PLEKHA8: variants seen among roughly 807,000 people sequenced by gnomAD.
PLEKHA8 encodes pleckstrin homology domain-containing family A member 8.
In PLEKHA8, 36 loss-of-function variants were observed where a neutral mutation model predicts 68.2. The ratio of observed to expected loss-of-function variants is 0.53; its 90% CI spans 0.40 to 0.70. The LOEUF (loss-of-function observed/expected upper bound fraction) is 0.70, where lower values mean the gene tolerates loss of function less well. Among genes scored for constraint, PLEKHA8 ranks in the 30% least tolerant of loss-of-function variants. The probability of loss-of-function intolerance (pLI) is 0.00; values close to 1 mark genes in which losing one functional copy is unlikely to be tolerated. For missense variants in PLEKHA8, 505 were observed against 615.4 expected (o/e 0.82, Z 1.90); for synonymous variants, 211 against 216.1 (o/e 0.98, Z 0.20).
In PLEKHA8 at chr7:30,082,455, C is replaced by T. The variant is rs555165740; in HGVS notation, c.*3668C>T. On this transcript the variant is annotated 3_prime_UTR_variant, in exon 14 of 14. Transcript: ENST00000449726. ...TTCTGTTCCCCCACCCCCCAGACTG[C>T]AAGAGCTTCTTAAGAAGGAGCCCAT... 1.5e-5 allele frequency: 15 copies of T among 985,396 alleles called. No homozygotes were observed. The South Asian group carries it at 6.1e-4, about 40-fold the overall frequency. 61.0% of individuals were successfully genotyped at this position (985,396 alleles called of 1,614,324 possible). A position where few individuals can be genotyped will look rare whatever the true frequency, so the allele number is the denominator to read the frequency against.
chr7:30,044,203 C>G (rs952432735), intron 1 of PLEKHA8, among the ~76,000 whole-genome samples: 3 of 152,038 alleles, frequency 2.0e-5, no homozygotes, highest in African/African-American at 4.8e-5. Context: ...GATGGAGTTT[C>G]ACCATGTTGG....
intron 12 of PLEKHA8, among the ~76,000 whole-genome samples, chr7:30,069,482 G>T (rs1299461849): frequency 6.6e-6 from 1 of 152,160 alleles, no homozygotes; most frequent in African/African-American, 2.4e-5. Flanking sequence ...GGACAGAATG[G>T]TTGTTCACCA....
At chr7:30,126,100 T>C (rs1304746339) in intron 13 of PLEKHA8, among the ~76,000 whole-genome samples, 1 of 151,870 alleles carries the variant, frequency 6.6e-6, no homozygotes. Flanking sequence ...TTTTTCACTC[T>C]GAGGCTTGTG....
At chr7:30,069,604 T>C (rs918768119) in intron 12 of PLEKHA8, 1 of 152,256 alleles carries the variant, frequency 6.6e-6, no homozygotes, top group Non-Finnish European at 1.5e-5. Context: ...AGAGCTGTGC[T>C]GTTTCCATAA....
intron 13 of PLEKHA8, among the ~76,000 whole-genome samples, chr7:30,101,920 T>C (rs1795867522): frequency 6.6e-6 from 1 of 151,876 alleles, no homozygotes; most frequent in African/African-American, 2.4e-5. Context: ...CAAAAGAAAA[T>C]AAATAAATAA....
intron 13 of PLEKHA8, among the ~76,000 whole-genome samples, chr7:30,096,799 T>C (rs1433603113): frequency 6.6e-6 from 1 of 152,240 alleles, no homozygotes; most frequent in African/African-American, 2.4e-5. Flanking sequence ...TCTGTGTCTT[T>C]TAATTGGAGC....
At chr7:30,098,490 G>A (rs575462516) in intron 13 of PLEKHA8, among the ~76,000 whole-genome samples, 42 of 152,342 alleles carry the variant, frequency 2.8e-4, no homozygotes, top group South Asian at 4.1e-4. Flanking sequence ...CGAGCTTCCC[G>A]GCTGCTTTGT....
chr7:30,103,248 A>G (rs1795920273), intron 13 of PLEKHA8, among the ~76,000 whole-genome samples: 1 of 152,366 alleles, frequency 6.6e-6, no homozygotes, highest in Non-Finnish European at 1.5e-5. Flanking sequence ...TATGTTATGT[A>G]TGTTTTGCCA....
intron 1 of PLEKHA8, among the ~76,000 whole-genome samples, chr7:30,031,434 C>G (rs190738889): frequency 1.3e-5 from 2 of 152,278 alleles, no homozygotes; most frequent in Admixed American, 1.3e-4. Context: ...AAGAACTTTT[C>G]AGGCACAGGG....
chr7:30,113,256 C>T (rs1796329326), intron 13 of PLEKHA8, among the ~76,000 whole-genome samples: 2 of 152,156 alleles, frequency 1.3e-5, no homozygotes, highest in Non-Finnish European at 2.9e-5. Flanking sequence ...GTAACATTTT[C>T]TGGAAGGGCC....
rs957241355 is a variant in PLEKHA8, at chr7:30,081,787, G to A, written c.*3000G>A. On this transcript the variant is annotated 3_prime_UTR_variant, in exon 14 of 14. Coordinates refer to ENST00000449726, the MANE Select transcript of PLEKHA8 (RefSeq NM_001197026.2). ...GTAACATTAGGCTAACCCCTTATGAGACATTTCCACACAATTTCATCGTGC... is the reference window on the plus strand; with the variant it reads ...GTAACATTAGGCTAACCCCTTATGAAACATTTCCACACAATTTCATCGTGC... The A allele has an allele frequency of 1.7e-4, 172 of 985,222 alleles. No homozygotes were observed. The highest frequency in any genetic ancestry group is 2.0e-4 in the Non-Finnish European group (166 of 829,888). 61.0% of individuals were successfully genotyped at this position (985,222 alleles called of 1,614,324 possible).
rs1180178015 is a variant in PLEKHA8 at position 30,074,089 on chromosome 7, C to T, written c.1319C>T (p.Thr440Ile). The T allele has an allele frequency of 6.2e-7, 1 of 1,612,444 alleles. No homozygotes were observed. Among genetic ancestry groups the T allele is most frequent in the South Asian group, 1.1e-5 (1 of 90,968 alleles). The stretch of plus-strand genomic sequence containing the variant: ...TTTCAAGATAATGCATATGGTAAAA[C>T]ATTGCGGCAACACCATGGCTGGGTA... Reference protein sequence around the residue: ...QTALNNAYGKTLRQHHGWVVR... With the variant: ...QTALNNAYGKILRQHHGWVVR... Residue 440 changes from threonine (T) to isoleucine (I), a missense_variant, in exon 13 of 14, where the codon ACA becomes ATA. Physicochemically the swap from Thr to Ile is moderately conservative, Grantham distance 89. Transcript: ENST00000449726.
At chr7:30,045,696 TG>T (rs56301814) in intron 2 of PLEKHA8, among the ~76,000 whole-genome samples, 5,001 of 152,312 alleles carry the variant, frequency 0.033, 136 homozygotes, top group South Asian at 0.12. Context: ...GTAGTGGATG[TG>T]GGTGAAAGAC....
chr7:30,084,259 G>A lies in PLEKHA8; in HGVS notation c.*5472G>A. 1.0e-6 allele frequency: 1 copy of A among 985,358 alleles called. No homozygotes were observed. The highest frequency in any genetic ancestry group is 1.2e-6 in the Non-Finnish European group (1 of 829,864). The allele number at this position is 985,358 out of a possible 1,614,324, so 61.0% of individuals were successfully genotyped here. On this transcript the variant is annotated 3_prime_UTR_variant, in exon 14 of 14. Transcript: ENST00000449726. ...AAGTCACTGTTTAATTCCATGCCTA[G>A]TATTCTTATGAATGTTTGTGGTTTC... is the stretch of plus-strand genomic sequence containing the variant.
At chr7:30,067,291 G>A (rs1387473822) in intron 12 of PLEKHA8, among the ~76,000 whole-genome samples, 2 of 152,182 alleles carry the variant, frequency 1.3e-5, no homozygotes, top group Non-Finnish European at 2.9e-5. Flanking sequence ...GCAACATGGC[G>A]AAGCCCTGTC....
chr7:30,101,054 G>A (rs941733908), intron 13 of PLEKHA8, among the ~76,000 whole-genome samples: 1 of 151,920 alleles, frequency 6.6e-6, no homozygotes, highest in Non-Finnish European at 1.5e-5. Context: ...GCTGGGTGTG[G>A]TGGTACACAC....
At position 30,028,566 on chromosome 7, in the gene PLEKHA8, G is replaced by A. The variant is rs1205518772; in HGVS notation, c.-197G>A. Reference sequence around the variant, plus strand: ...GGTTCACCGGCTGGCTGGGCTTCAAGCGCCGAGGCCGCCGCAGTGACCCCG... The same window carrying A: ...GGTTCACCGGCTGGCTGGGCTTCAAACGCCGAGGCCGCCGCAGTGACCCCG... On this transcript the variant is annotated 5_prime_UTR_variant, in exon 1 of 14. Coordinates refer to ENST00000449726, the MANE Select transcript of PLEKHA8 (RefSeq NM_001197026.2). The A allele has an allele frequency of 5.2e-6, 2 of 388,104 alleles. No individual in the cohort carries two copies. Among genetic ancestry groups the A allele is most frequent in the Non-Finnish European group, 9.0e-6 (2 of 222,614 alleles). The allele number at this position is 388,104 out of a possible 1,614,324, so 24.0% of individuals were successfully genotyped here.
chr7:30,115,960 ATGCATACATG>A (rs1420953009), intron 13 of PLEKHA8: 1 of 146,466 alleles, frequency 6.8e-6, no homozygotes, highest in African/African-American at 2.5e-5. Flanking sequence ...GCATACATGC[ATGCATACATG>A]TGCATGCATG....
At chr7:30,031,796 T>G (rs1385156914) in intron 1 of PLEKHA8, among the ~76,000 whole-genome samples, 3 of 152,224 alleles carry the variant, frequency 2.0e-5, no homozygotes, top group African/African-American at 2.4e-5. Flanking sequence ...TTTGTGAGCT[T>G]CTTTTGCCTC....
Sources: allele counts gnomAD v4.1 joint callset (sites outside exome capture counted in the v4.1 genomes callset), GRCh38; gene constraint gnomAD v4.1.1; transcripts MANE v1.5; gene names NCBI Gene and HGNC (gene_info 2026-07-23, HGNC 2026-07-21).